FAM184A: variants seen among roughly 807,000 people sequenced by gnomAD.
The protein encoded by FAM184A is protein FAM184A.
FAM184A carries 99 observed loss-of-function variants against 143.8 expected under a neutral mutation model. The observed-to-expected ratio is 0.69, with a 90% CI of 0.58 to 0.81. FAM184A has a LOEUF of 0.81. Among genes scored for constraint, FAM184A ranks in the 40% least tolerant of loss-of-function variants. FAM184A has a pLI of 0.00. For missense variants in FAM184A, 1,217 were observed against 1,310.5 expected (o/e 0.93, Z 1.10); for synonymous variants, 427 against 446.4 (o/e 0.96, Z 0.55).
At chr6:118,977,923 A>T (rs1192405006) in intron 11 of FAM184A, among the ~76,000 whole-genome samples, 2 of 152,172 alleles carry the variant, frequency 1.3e-5, no homozygotes, top group East Asian at 3.8e-4. Context: ...TTTTTTAAAG[A>T]CCCAAAACTC....
At chr6:119,135,303 C>T (rs1000903731) in intron 1 of FAM184A, among the ~76,000 whole-genome samples, 2 of 151,926 alleles carry the variant, frequency 1.3e-5, no homozygotes, top group African/African-American at 4.8e-5. Flanking sequence ...GGTCAATACC[C>T]AATACAGAAT....
chr6:119,109,251 TA>T (rs1788868869), intron 1 of FAM184A, among the ~76,000 whole-genome samples: 1 of 152,232 alleles, frequency 6.6e-6, no homozygotes, highest in Non-Finnish European at 1.5e-5. Flanking sequence ...AACTAAATTA[TA>T]AGTGTCATGA....
intron 1 of FAM184A, among the ~76,000 whole-genome samples, chr6:119,093,837 C>T (rs1201664896): frequency 6.6e-6 from 1 of 152,152 alleles, no homozygotes; most frequent in Non-Finnish European, 1.5e-5. Context: ...CCACTGTTTC[C>T]CTATCAAAGC....
rs558887616 is a variant in FAM184A, at chr6:119,011,360, T to C, written c.1602A>G (p.Leu534=). The C allele has an allele frequency of 1.6e-5, 26 of 1,603,870 alleles. No homozygotes were observed. The South Asian group carries it at 2.5e-4, about 15-fold the overall frequency. The part of the protein sequence containing the change: ...EEDKNQLQQE[L]ENLKEVLEDK... ...CTTCCAGTACTTCCTTTAGGTTTTCTAGCTCTTGTTGAAGCTGATTTTTAT... is the reference window on the plus strand; with the variant it reads ...CTTCCAGTACTTCCTTTAGGTTTTCCAGCTCTTGTTGAAGCTGATTTTTAT... The change falls in exon 6 of 18, where the codon CTA becomes CTG. Residue 534 remains leucine (L), a synonymous_variant. Coordinates refer to ENST00000338891, the MANE Select transcript of FAM184A (RefSeq NM_024581.6).
intron 1 of FAM184A, among the ~76,000 whole-genome samples, chr6:119,100,446 C>T (rs961606150): frequency 2.6e-5 from 4 of 151,876 alleles, no homozygotes; most frequent in Non-Finnish European, 5.9e-5. Context: ...AAGTTTGCTC[C>T]CCAGGAAATT....
rs1385479018 is a variant in FAM184A, at chr6:118,959,841, C to A, written c.*262G>T. The A allele has an allele frequency of 1.2e-5, 3 of 253,890 alleles. No individual in the cohort carries two copies. The highest frequency in any genetic ancestry group is 1.5e-5 in the Non-Finnish European group (2 of 134,626). The allele number at this position is 253,890 out of a possible 1,614,324, so 15.7% of individuals were successfully genotyped here. ...AATAAAAAGCATTGTTTGATTCTAA[C>A]AAAATTTATTATGCAGTAATTACAA... On this transcript the variant is annotated 3_prime_UTR_variant, in exon 18 of 18. Coordinates refer to ENST00000338891, the MANE Select transcript of FAM184A (RefSeq NM_024581.6).
chr6:119,003,497 G>A lies in FAM184A; in HGVS notation c.1937+4C>T. 6.2e-7 allele frequency: 1 copy of A among 1,609,544 alleles called. No individual in the cohort carries two copies. The highest frequency in any genetic ancestry group is 1.1e-5 in the South Asian group (1 of 89,858). ...TTGATAAGATTACAGAATAAAAAAT[G>A]TACCTAAGATTTTCAGTCCACTTAA... On this transcript the variant is annotated splice_donor_region_variant and intron_variant, in intron 8 of 17. Transcript: ENST00000338891.
At chr6:118,992,596 C>G (rs1411050771) in intron 9 of FAM184A, among the ~76,000 whole-genome samples, 1 of 152,116 alleles carries the variant, frequency 6.6e-6, no homozygotes, top group Admixed American at 6.5e-5. Flanking sequence ...CTGCTGGCAC[C>G]CTGATCTTGG....
chr6:118,983,021 A>G (rs79690089), intron 9 of FAM184A, among the ~76,000 whole-genome samples: 35 of 152,376 alleles, frequency 2.3e-4, no homozygotes, highest in Non-Finnish European at 4.7e-4. Flanking sequence ...GAAAGATATG[A>G]TCATGCAATT....
chr6:119,035,076 A>G (rs956472377), intron 1 of FAM184A, among the ~76,000 whole-genome samples: 33 of 152,294 alleles, frequency 2.2e-4, no homozygotes, highest in Non-Finnish European at 1.6e-4. Flanking sequence ...ACTGTTCACA[A>G]CTACGGAAGG....
chr6:119,113,472 A>C (rs991785708), intron 1 of FAM184A, among the ~76,000 whole-genome samples: 1 of 150,236 alleles, frequency 6.7e-6, no homozygotes, highest in Admixed American at 7.0e-5. Flanking sequence ...TTTCAACCTC[A>C]CCACCCCTAA....
intron 1 of FAM184A, among the ~76,000 whole-genome samples, chr6:119,070,015 C>T (rs1198433941): frequency 2.0e-5 from 3 of 151,964 alleles, no homozygotes; most frequent in Admixed American, 6.6e-5. Flanking sequence ...TTAAAAAAAT[C>T]AAAGTACTAT....
At chr6:119,144,348 A>G (rs1393833209) in intron 1 of FAM184A, among the ~76,000 whole-genome samples, 2 of 152,094 alleles carry the variant, frequency 1.3e-5, no homozygotes, top group Non-Finnish European at 2.9e-5. Context: ...AAAAAAAAAA[A>G]AAAAGAAAAT....
In FAM184A at chr6:119,070,910, T is replaced by C. The variant is rs966991892; in HGVS notation, c.159+7231A>G. 9.8e-4 allele frequency among the ~76,000 whole-genome samples: 145 copies of C among 148,324 alleles called. 4 individuals carry two copies. Among genetic ancestry groups the C allele is most frequent in the African/African-American group, 3.4e-3 (138 of 40,596 alleles). On this transcript the variant is annotated intron_variant, in intron 1 of 17. Transcript: ENST00000338891. ...TTTGAATGCTTATGAAGATTTTCTT[T>C]AAAAAAAAAAACTCACAAGATCAAT...
intron 1 of FAM184A, among the ~76,000 whole-genome samples, chr6:119,107,671 G>T (rs112901036): frequency 6.6e-6 from 1 of 151,870 alleles, no homozygotes; most frequent in Middle Eastern, 3.2e-3. Context: ...CCAGCTACTC[G>T]GGAGGCTGAG....
intron 1 of FAM184A, among the ~76,000 whole-genome samples, chr6:119,041,104 G>A (rs1786311441): frequency 6.6e-6 from 1 of 152,112 alleles, no homozygotes; most frequent in Non-Finnish European, 1.5e-5. Flanking sequence ...TCCAGCCCCT[G>A]TAGCAGTTAA....
chr6:118,998,067 C>T (rs747387899), intron 9 of FAM184A, among the ~76,000 whole-genome samples: 3 of 152,138 alleles, frequency 2.0e-5, no homozygotes, highest in Non-Finnish European at 4.4e-5. Context: ...AAAATCAATA[C>T]ATCTAAGAGA....
intron 1 of FAM184A, among the ~76,000 whole-genome samples, chr6:119,037,876 A>C (rs558688097): frequency 6.6e-6 from 1 of 152,340 alleles, no homozygotes; most frequent in Admixed American, 6.5e-5. Context: ...AATAAGAAAA[A>C]GGTAAACTCT....
intron 9 of FAM184A, among the ~76,000 whole-genome samples, chr6:119,002,515 A>G (rs1387095845): frequency 6.6e-6 from 1 of 152,110 alleles, no homozygotes; most frequent in Non-Finnish European, 1.5e-5. Flanking sequence ...ATTTTTGGTA[A>G]GTGGTTTTAG....
Sources: gnomAD v4.1 joint callset for allele counts (sites outside exome capture counted in the v4.1 genomes callset) on GRCh38, gnomAD v4.1.1 for gene constraint, MANE v1.5 for transcripts, NCBI Gene and HGNC (gene_info 2026-07-23, HGNC 2026-07-21) for gene names.